Variants in EDAR observed in about 807,000 individuals in gnomAD.
EDAR encodes ectodysplasin A receptor, also known as tumor necrosis factor receptor superfamily member EDAR.
A neutral mutation model predicts 51.3 loss-of-function variants in EDAR; 38 were observed. The ratio of observed to expected loss-of-function variants is 0.74; its 90% CI spans 0.57 to 0.97. The LOEUF is 0.97. Ranked by LOEUF, EDAR falls within the 50% of genes least tolerant of loss-of-function variation. The pLI is 0.00. For synonymous variants in EDAR, 227 were observed against 242.1 expected (o/e 0.94, Z 0.58); for missense variants, 528 against 595.0 (o/e 0.89, Z 1.17).
intron 1 of EDAR, among the ~76,000 whole-genome samples, chr2:108,948,708 G>C (rs1256489717): frequency 6.6e-6 from 1 of 152,074 alleles, no homozygotes; most frequent in Non-Finnish European, 1.5e-5. Flanking sequence ...GAACAACATG[G>C]GGAAAACTGC....
intron 5 of EDAR, among the ~76,000 whole-genome samples, chr2:108,916,867 A>C (rs1410163804): frequency 6.6e-6 from 1 of 152,166 alleles, no homozygotes; most frequent in Non-Finnish European, 1.5e-5. Flanking sequence ...ATCTGCAGGG[A>C]GACACTTCTC....
At chr2:108,954,185 T>C (rs1284959488) in intron 1 of EDAR, among the ~76,000 whole-genome samples, 1 of 152,170 alleles carries the variant, frequency 6.6e-6, no homozygotes, top group Non-Finnish European at 1.5e-5. Context: ...ATAGCATAGA[T>C]GGCATTTCCA....
At chr2:108,945,896 G>A (rs1558825192) in intron 1 of EDAR, among the ~76,000 whole-genome samples, 1 of 152,194 alleles carries the variant, frequency 6.6e-6, no homozygotes, top group East Asian at 1.9e-4. Flanking sequence ...TGGGTTGCCA[G>A]GGGCACATGT....
At chr2:108,936,103 A>G (rs1442719317) in intron 1 of EDAR, among the ~76,000 whole-genome samples, 1 of 152,198 alleles carries the variant, frequency 6.6e-6, no homozygotes, top group African/African-American at 2.4e-5. Context: ...GGGACTTCCC[A>G]TTCTTCCACC....
chr2:108,920,512 G>A (rs968493348), intron 5 of EDAR, among the ~76,000 whole-genome samples: 16 of 152,156 alleles, frequency 1.1e-4, no homozygotes, highest in Middle Eastern at 3.4e-3. Context: ...AAAAATAACC[G>A]AAGGCCTTTT....
intron 9 of EDAR, 136 bp downstream of exon 9, chr2:108,910,324 G>C (rs1435029142): frequency 1.4e-6 from 1 of 709,558 alleles, no homozygotes; most frequent in East Asian, 2.7e-5. Flanking sequence ...AGAGGTGGTG[G>C]GGACTGTCTG....
At chr2:108,952,584 C>G (rs1296427884) in intron 1 of EDAR, among the ~76,000 whole-genome samples, 4 of 152,218 alleles carry the variant, frequency 2.6e-5, no homozygotes, top group Non-Finnish European at 5.9e-5. Flanking sequence ...TTCACTTGCT[C>G]TGCTGAGATT....
At chr2:108,969,421 G>A (rs959081369) in intron 1 of EDAR, among the ~76,000 whole-genome samples, 2 of 152,144 alleles carry the variant, frequency 1.3e-5, no homozygotes, top group Non-Finnish European at 2.9e-5. Flanking sequence ...ATGAACTCAC[G>A]AATCAAGCAT....
chr2:108,931,010 G>T lies in EDAR; in HGVS notation c.5C>A (p.Ala2Asp). Reference protein sequence around the residue: MAHVGDCTQTPW... With the variant: MDHVGDCTQTPW... ...CGTCTGCGTGCAGTCCCCCACATGG[G>T]CCATCCTCTCCCAAGGGCTCACCTG... The change falls in exon 2 of 12, where the codon GCC (alanine) becomes GAC (aspartate). Residue 2 changes from alanine (A) to aspartate (D), a missense_variant. Physicochemically the swap from Ala to Asp is moderately radical, Grantham distance 126. Coordinates refer to ENST00000258443, the MANE Select transcript of EDAR (RefSeq NM_022336.4). 1.2e-6 allele frequency: 2 copies of T among 1,613,984 alleles called. No homozygotes were observed. Among genetic ancestry groups the T allele is most frequent in the Non-Finnish European group, 1.7e-6 (2 of 1,180,034 alleles).
intron 1 of EDAR, among the ~76,000 whole-genome samples, chr2:108,948,275 G>A (rs896197709): frequency 6.6e-6 from 1 of 152,148 alleles, no homozygotes; most frequent in Non-Finnish European, 1.5e-5. Flanking sequence ...TTGGCATTTT[G>A]GTCAAAATCA....
Position 108,956,333 on chromosome 2 carries a change from T to C in EDAR, c.-18-25301A>G, listed in dbSNP as rs150301822. Among the ~76,000 whole-genome samples, 225 of 152,358 alleles carry C rather than the reference T, an allele frequency of 1.5e-3. 1 individual carries two copies. The highest frequency in any genetic ancestry group is 5.3e-3 in the African/African-American group (222 of 41,590). ...GTTAAAGGGCATGAGAGTGTTATGA[T>C]GCCTGTAGAGGTGTCCTCTAAAACT... On this transcript the variant is annotated intron_variant, in intron 1 of 11. Coordinates refer to ENST00000258443, the MANE Select transcript of EDAR (RefSeq NM_022336.4).
chr2:108,901,842 G>A (rs569639847), intron 11 of EDAR, among the ~76,000 whole-genome samples: 3 of 152,320 alleles, frequency 2.0e-5, no homozygotes, highest in East Asian at 1.9e-4. Flanking sequence ...GGTGGCTCAC[G>A]CCTGTAATCC....
Position 108,930,257 on chromosome 2 carries a change from G to A in EDAR, c.52-15C>T, listed in dbSNP as rs751024194. ...ATCAGAGACACCTGCCAACAAAGGGGGGTGTTGTGGCCTCCGTACCTCCTT... is the reference window on the plus strand; with the variant it reads ...ATCAGAGACACCTGCCAACAAAGGGAGGTGTTGTGGCCTCCGTACCTCCTT... On this transcript the variant is annotated splice_polypyrimidine_tract_variant and intron_variant, in intron 2 of 11. Coordinates refer to ENST00000258443, the MANE Select transcript of EDAR (RefSeq NM_022336.4). The A allele has an allele frequency of 1.2e-6, 2 of 1,613,940 alleles. No individual in the cohort carries two copies. The highest frequency in any genetic ancestry group is 1.3e-5 in the African/African-American group (1 of 74,918).
chr2:108,929,157 C>T, intron 4 of EDAR, 41 bp downstream of exon 4: 2 of 1,612,334 alleles, frequency 1.2e-6, no homozygotes, highest in Non-Finnish European at 1.7e-6. Flanking sequence ...GGGTTTTCTG[C>T]AGAAAGCATG....
At chr2:108,960,374 G>A (rs1411030847) in intron 1 of EDAR, among the ~76,000 whole-genome samples, 4 of 152,200 alleles carry the variant, frequency 2.6e-5, no homozygotes, top group African/African-American at 2.4e-5. Flanking sequence ...TTCTCAAGAC[G>A]CTCTTGCTGA....
chr2:108,942,971 C>T (rs767815674), intron 1 of EDAR, among the ~76,000 whole-genome samples: 1 of 152,220 alleles, frequency 6.6e-6, no homozygotes, highest in Non-Finnish European at 1.5e-5. Flanking sequence ...CCTTCGCTGA[C>T]GTGCAGGTAA....
At chr2:108,962,004 TC>T (rs1698056681) in intron 1 of EDAR, among the ~76,000 whole-genome samples, 1 of 152,200 alleles carries the variant, frequency 6.6e-6, no homozygotes, top group South Asian at 2.1e-4. Context: ...GAGCTGTTTC[TC>T]CCAACACCTC....
At chr2:108,934,615 T>A (rs990604159) in intron 1 of EDAR, among the ~76,000 whole-genome samples, 5 of 152,170 alleles carry the variant, frequency 3.3e-5, no homozygotes, top group African/African-American at 1.2e-4. Flanking sequence ...ACTGGCTGCA[T>A]CCGGTGAGAG....
intron 1 of EDAR, among the ~76,000 whole-genome samples, chr2:108,979,454 G>GTCTCTCTCTC (rs1286163002): frequency 8.6e-6 from 1 of 116,382 alleles, no homozygotes; most frequent in Non-Finnish European, 1.7e-5. Context: ...CTCTGTCTCT[G>GTCTCTCTCTC]TCTCTCTCTC....
Sources: gnomAD v4.1 joint callset for allele counts (sites outside exome capture counted in the v4.1 genomes callset) on GRCh38, gnomAD v4.1.1 for gene constraint, MANE v1.5 for transcripts, NCBI Gene and HGNC (gene_info 2026-07-23, HGNC 2026-07-21) for gene names.